The following REEP3 variants were observed in gnomAD, a reference collection of about 807,000 sequenced individuals.
REEP3 encodes the protein receptor accessory protein 3, also known as receptor expression-enhancing protein 3.
REEP3 carries 20 observed loss-of-function variants against 41.3 expected under a neutral mutation model. That is an observed-to-expected ratio of 0.48 (90% confidence interval 0.34 to 0.70). The LOEUF (loss-of-function observed/expected upper bound fraction) is 0.70, where lower values mean the gene tolerates loss of function less well. Ranked by LOEUF, REEP3 falls within the 30% of genes least tolerant of loss-of-function variation. REEP3 has a pLI of 0.01. For missense variants in REEP3, 271 were observed against 308.8 expected (o/e 0.88, Z 0.92); for synonymous variants, 104 against 101.8 (o/e 1.02, Z -0.13).
rs949595385 is a variant in REEP3, at chr10:63,579,100, C to T, written c.105+12690C>T. ...CAGGCTAGAGTGCAATGGCGCATCT[C>T]AGCTCACTGCAACCTCTGTCTCCCT... On this transcript the variant is annotated intron_variant, in intron 2 of 7. Coordinates refer to ENST00000373758, the MANE Select transcript of REEP3 (RefSeq NM_001001330.3). 2.6e-5 allele frequency among the ~76,000 whole-genome samples: 4 copies of T among 151,456 alleles called. No homozygotes were observed. In the East Asian group the frequency reaches 7.8e-4, roughly 30 times the overall value.
chr10:63,521,524 T>C lies in REEP3; in HGVS notation c.-22T>C, dbSNP rs760363200. 1.4e-6 allele frequency: 2 copies of C among 1,412,952 alleles called. No individual in the cohort carries two copies. The highest frequency in any genetic ancestry group is 3.0e-5 in the South Asian group (2 of 66,294). 87.5% of individuals were successfully genotyped at this position (1,412,952 alleles called of 1,614,324 possible). On this transcript the variant is annotated 5_prime_UTR_variant, in exon 1 of 8. Coordinates refer to ENST00000373758, the MANE Select transcript of REEP3 (RefSeq NM_001001330.3). ...GCCCTGCGCCCACCCGCCCCGGACG[T>C]GGGGCCCAAGCCCCCGTGAAGATGG...
intron 2 of REEP3, among the ~76,000 whole-genome samples, chr10:63,582,056 AT>A (rs1955959186): frequency 2.0e-5 from 3 of 152,242 alleles, no homozygotes; most frequent in African/African-American, 7.2e-5. Context: ...CCTCTAGTTG[AT>A]ATTGTCAGAA....
intron 6 of REEP3, 112 bp downstream of exon 6, chr10:63,610,446 C>G (rs1956269113): frequency 1.0e-6 from 1 of 998,186 alleles, no homozygotes; most frequent in Non-Finnish European, 1.5e-6. Flanking sequence ...AGCATTAGGA[C>G]AAATACCTAA....
At chr10:63,537,841 C>G (rs1280347952) in intron 1 of REEP3, among the ~76,000 whole-genome samples, 1 of 152,070 alleles carries the variant, frequency 6.6e-6, no homozygotes, top group African/African-American at 2.4e-5. Flanking sequence ...CTTGTCCTTT[C>G]TTTTTCTCAA....
chr10:63,523,454 G>A (rs1011136951), intron 1 of REEP3, among the ~76,000 whole-genome samples: 2 of 152,112 alleles, frequency 1.3e-5, no homozygotes, highest in Non-Finnish European at 2.9e-5. Flanking sequence ...GCAACATAGC[G>A]AGACCTTGTC....
intron 1 of REEP3, among the ~76,000 whole-genome samples, chr10:63,533,329 A>T (rs898046834): frequency 6.6e-6 from 1 of 152,224 alleles, no homozygotes; most frequent in Non-Finnish European, 1.5e-5. Flanking sequence ...AGATATGGAA[A>T]TAAAATAGAA....
chr10:63,583,552 G>C (rs1955975137), intron 2 of REEP3, among the ~76,000 whole-genome samples: 1 of 152,174 alleles, frequency 6.6e-6, no homozygotes, highest in Non-Finnish European at 1.5e-5. Flanking sequence ...GTCCTTTGTG[G>C]AAGGAGCCAG....
intron 5 of REEP3, chr10:63,606,017 A>G (rs1364156385): frequency 4.8e-6 from 2 of 418,706 alleles, no homozygotes; most frequent in Non-Finnish European, 6.4e-6. Context: ...GCTCACGATG[A>G]TCAGTTTCAA....
intron 5 of REEP3, among the ~76,000 whole-genome samples, chr10:63,609,812 C>A (rs1196596024): frequency 1.3e-5 from 2 of 151,672 alleles, no homozygotes; most frequent in African/African-American, 4.8e-5. Context: ...TTAAAAGTTG[C>A]CCTAAATATT....
intron 1 of REEP3, among the ~76,000 whole-genome samples, chr10:63,565,668 TG>T: frequency 6.6e-6 from 1 of 152,236 alleles, no homozygotes; most frequent in East Asian, 1.9e-4. Context: ...GGATAAATAG[TG>T]GGATTTGTGT....
chr10:63,544,964 A>C (rs1305589417), intron 1 of REEP3, among the ~76,000 whole-genome samples: 14 of 152,212 alleles, frequency 9.2e-5, no homozygotes, highest in Non-Finnish European at 2.1e-4. Flanking sequence ...AAAAATGCAA[A>C]ATACAAAGGA....
intron 1 of REEP3, among the ~76,000 whole-genome samples, chr10:63,522,900 C>G (rs1180615695): frequency 6.6e-6 from 1 of 151,914 alleles, no homozygotes; most frequent in Non-Finnish European, 1.5e-5. Flanking sequence ...TTTTCCTGGC[C>G]TCTCTTTTGA....
At chr10:63,554,541 C>G (rs950375352) in intron 1 of REEP3, among the ~76,000 whole-genome samples, 4 of 152,114 alleles carry the variant, frequency 2.6e-5, no homozygotes, top group African/African-American at 4.8e-5. Flanking sequence ...GGAAAGAGCA[C>G]AGGTCTTCAA....
chr10:63,533,017 T>C (rs565405561), intron 1 of REEP3, among the ~76,000 whole-genome samples: 1 of 152,366 alleles, frequency 6.6e-6, no homozygotes, highest in East Asian at 1.9e-4. Context: ...AAGGTAGGTC[T>C]TATAAGGAAG....
rs998353782 is a variant in REEP3 at position 63,609,279 on chromosome 10, C to T, written c.418-908C>T. ...CATCCTGGCTAACACAGTGAAACCC[C>T]ATCTCTACTAAAAATACAAAAAATT... On this transcript the variant is annotated intron_variant, in intron 5 of 7. Transcript: ENST00000373758. 7.2e-5 allele frequency among the ~76,000 whole-genome samples: 11 copies of T among 151,814 alleles called. 1 individual carries two copies. The highest frequency in any genetic ancestry group is 6.6e-4 in the Admixed American group (10 of 15,226).
At chr10:63,526,213 T>C (rs1017957263) in intron 1 of REEP3, among the ~76,000 whole-genome samples, 3 of 152,198 alleles carry the variant, frequency 2.0e-5, no homozygotes, top group African/African-American at 7.2e-5. Flanking sequence ...TGAAATCTTA[T>C]AAGCATCTTC....
At chr10:63,614,226 A>C (rs1214245870) in intron 6 of REEP3, among the ~76,000 whole-genome samples, 1 of 152,248 alleles carries the variant, frequency 6.6e-6, no homozygotes, top group African/African-American at 2.4e-5. Context: ...TTGGCCAAAA[A>C]AAAATGTTTT....
At chr10:63,588,591 T>C (rs1206052535) in intron 2 of REEP3, among the ~76,000 whole-genome samples, 1 of 152,222 alleles carries the variant, frequency 6.6e-6, no homozygotes, top group Non-Finnish European at 1.5e-5. Context: ...TCCATCAACA[T>C]ACATTTATTT....
At chr10:63,603,870 A>C (rs1355571793) in intron 5 of REEP3, among the ~76,000 whole-genome samples, 2 of 152,238 alleles carry the variant, frequency 1.3e-5, no homozygotes, top group Non-Finnish European at 2.9e-5. Context: ...TCATCTCTGC[A>C]GATGTCAAAC....
Sources: gnomAD v4.1 joint callset for allele counts (sites outside exome capture counted in the v4.1 genomes callset) on GRCh38, gnomAD v4.1.1 for gene constraint, MANE v1.5 for transcripts, NCBI Gene and HGNC (gene_info 2026-07-23, HGNC 2026-07-21) for gene names.